Variants in NRXN1 observed in about 807,000 individuals in gnomAD.
The protein encoded by NRXN1 is neurexin 1, also known as neurexin-1.
A neutral mutation model predicts 150.9 loss-of-function variants in NRXN1; 39 were observed. The ratio of observed to expected loss-of-function variants is 0.26; its 90% confidence interval spans 0.20 to 0.34. NRXN1 has a LOEUF of 0.34. NRXN1 is among the 10% of genes least tolerant of loss of function. NRXN1 has a pLI of 1.00. For missense variants in NRXN1, 1,815 were observed against 1,949.9 expected (o/e 0.93, Z 1.30); for synonymous variants, 924 against 757.0 (o/e 1.22, Z -3.62).
intron 5 of NRXN1, among the ~76,000 whole-genome samples, chr2:50,724,118 T>C (rs1048647228): frequency 6.6e-6 from 1 of 152,190 alleles, no homozygotes; most frequent in East Asian, 1.9e-4. Flanking sequence ...AATCATAAGA[T>C]CCTCTAGGGT....
intron 17 of NRXN1, among the ~76,000 whole-genome samples, chr2:50,361,384 A>G (rs987157228): frequency 1.3e-5 from 2 of 152,178 alleles, no homozygotes; most frequent in Non-Finnish European, 2.9e-5. Context: ...TATATAAGAA[A>G]AGAGAGAAGA....
At chr2:50,487,147 G>C (rs1259266873) in intron 15 of NRXN1, among the ~76,000 whole-genome samples, 1 of 152,092 alleles carries the variant, frequency 6.6e-6, no homozygotes, top group Non-Finnish European at 1.5e-5. Flanking sequence ...GAAAATATAT[G>C]TAGCTGTCTT....
At chr2:50,559,148 T>C (rs1440901441) in intron 8 of NRXN1, among the ~76,000 whole-genome samples, 1 of 152,164 alleles carries the variant, frequency 6.6e-6, no homozygotes, top group African/African-American at 2.4e-5. Context: ...AGAATTTAAT[T>C]ATCATTTTCA....
intron 18 of NRXN1, among the ~76,000 whole-genome samples, chr2:50,198,465 T>A (rs1197568244): frequency 6.6e-6 from 1 of 152,134 alleles, no homozygotes; most frequent in Non-Finnish European, 1.5e-5. Context: ...TTTCCCATGA[T>A]AAATTATACC....
At chr2:50,047,832 G>C (rs1239597029) in intron 21 of NRXN1, among the ~76,000 whole-genome samples, 1 of 151,772 alleles carries the variant, frequency 6.6e-6, no homozygotes, top group Admixed American at 6.6e-5. Context: ...GATCAATGCT[G>C]TATTTCTACA....
At chr2:50,937,939 C>A (rs1688791500) in intron 2 of NRXN1, among the ~76,000 whole-genome samples, 1 of 152,118 alleles carries the variant, frequency 6.6e-6, no homozygotes, top group Non-Finnish European at 1.5e-5. Flanking sequence ...CACACCTAGG[C>A]TATCTGGTAT....
intron 21 of NRXN1, among the ~76,000 whole-genome samples, chr2:49,947,813 T>C (rs1302123659): frequency 6.6e-6 from 1 of 152,084 alleles, no homozygotes; most frequent in Non-Finnish European, 1.5e-5. Context: ...AGCATAATAG[T>C]ATCTATTGTT....
At chr2:50,500,856 C>T (rs2091905000) in intron 13 of NRXN1, among the ~76,000 whole-genome samples, 1 of 152,130 alleles carries the variant, frequency 6.6e-6, no homozygotes. Flanking sequence ...TCCCTTACAT[C>T]CACTTGTTAA....
intron 2 of NRXN1, among the ~76,000 whole-genome samples, chr2:50,951,963 A>ATATTTTTTT (rs1387961788): frequency 2.3e-4 from 17 of 74,824 alleles, no homozygotes; most frequent in Non-Finnish European, 3.2e-4. Flanking sequence ...ATATATATAT[A>ATATTTTTTT]TTTTTTTTTT....
intron 17 of NRXN1, among the ~76,000 whole-genome samples, chr2:50,319,821 T>C (rs968124991): frequency 4.6e-5 from 7 of 152,090 alleles, no homozygotes; most frequent in African/African-American, 1.7e-4. Flanking sequence ...CTTCAAGCAC[T>C]AACCTCCTCT....
At chr2:50,960,795 C>A (rs1179836870) in intron 2 of NRXN1, among the ~76,000 whole-genome samples, 1 of 151,580 alleles carries the variant, frequency 6.6e-6, no homozygotes, top group Non-Finnish European at 1.5e-5. Flanking sequence ...AACGTTTAAC[C>A]AAAGCAATAA....
intron 5 of NRXN1, among the ~76,000 whole-genome samples, chr2:50,670,951 T>C (rs2104724900): frequency 6.6e-6 from 1 of 152,070 alleles, no homozygotes; most frequent in South Asian, 2.1e-4. Flanking sequence ...TAAAAGTTAC[T>C]ATGTATCACT....
chr2:50,071,341 A>G (rs1282290398), intron 19 of NRXN1, among the ~76,000 whole-genome samples: 1 of 152,196 alleles, frequency 6.6e-6, no homozygotes, highest in Non-Finnish European at 1.5e-5. Flanking sequence ...CCAAATTCAT[A>G]TGGTGAAGCC....
chr2:50,785,349 C>T (rs1009743987), intron 5 of NRXN1, among the ~76,000 whole-genome samples: 13 of 150,022 alleles, frequency 8.7e-5, no homozygotes, highest in East Asian at 4.0e-4. Context: ...CCCAAGTTCA[C>T]GCCATTCTCC....
Position 50,921,866 on chromosome 2 carries a change from TA to T in NRXN1, c.832+2del. The T allele has an allele frequency of 7.3e-7, 1 of 1,370,206 alleles. No individual in the cohort carries two copies. Among genetic ancestry groups the T allele is most frequent in the East Asian group, 2.6e-5 (1 of 38,488 alleles). 84.9% of individuals were successfully genotyped at this position (1,370,206 alleles called of 1,614,324 possible). A position where few individuals can be genotyped will look rare whatever the true frequency, so the allele number is the denominator to read the frequency against. On this transcript the variant is annotated splice_donor_variant, in intron 5 of 22. Coordinates refer to ENST00000401669, the MANE Select transcript of NRXN1 (RefSeq NM_001330078.2). LOFTEE classifies it high-confidence loss of function. The stretch of plus-strand genomic sequence containing the variant: ...ATTAAGAAGAAATAAAATAATGTAA[TA>T]CCTTTACTTTTACCTATGGATTTGA...
rs1485055400 is a variant in NRXN1 at position 50,006,712 on chromosome 2, A to G, written c.4128+46559T>C. Among the ~76,000 whole-genome samples, 5 of 152,300 alleles carry G rather than the reference A, an allele frequency of 3.3e-5. No individual in the cohort carries two copies. The East Asian group carries it at 9.7e-4, about 29-fold the overall frequency. On this transcript the variant is annotated intron_variant, in intron 21 of 22. Coordinates refer to ENST00000401669, the MANE Select transcript of NRXN1 (RefSeq NM_001330078.2). ...TGTAATTTTAGATTTTTTTGCTCCT[A>G]GAGTATATTCATTGTATTGCTAAAA...
intron 18 of NRXN1, among the ~76,000 whole-genome samples, chr2:50,193,341 A>C (rs1478015043): frequency 1.3e-5 from 2 of 152,188 alleles, no homozygotes; most frequent in African/African-American, 2.4e-5. Flanking sequence ...AGAGCCTACG[A>C]GTGTTCTGGT....
At chr2:50,593,884 T>C (rs191297194) in intron 8 of NRXN1, among the ~76,000 whole-genome samples, 3 of 152,338 alleles carry the variant, frequency 2.0e-5, no homozygotes, top group South Asian at 4.1e-4. Flanking sequence ...ATGAGGATGA[T>C]ACCCTTGATA....
chr2:50,324,409 CAATT>C (rs1311667259), intron 17 of NRXN1, among the ~76,000 whole-genome samples: 3 of 152,352 alleles, frequency 2.0e-5, no homozygotes, highest in South Asian at 4.1e-4. Flanking sequence ...TACTTAAAGA[CAATT>C]AATCATAAAC....
Sources: gnomAD v4.1 joint callset for allele counts (sites outside exome capture counted in the v4.1 genomes callset) on GRCh38, gnomAD v4.1.1 for gene constraint, MANE v1.5 for transcripts, NCBI Gene and HGNC (gene_info 2026-07-23, HGNC 2026-07-21) for gene names.